Variants in AFG2A observed in about 807,000 individuals in gnomAD.
AFG2A encodes the protein ATPase family gene 2 protein homolog A.
At chr4:122,952,194 C>T in the AFG2A span, among the ~76,000 whole-genome samples, 5 of 152,194 alleles carry the variant, frequency 3.3e-5, no homozygotes, top group South Asian at 4.1e-4. Flanking sequence ...ACCCTTTTTC[C>T]GTAGCTGGGA....
At chr4:123,273,496 A>T in the AFG2A span, among the ~76,000 whole-genome samples, 1 of 152,180 alleles carries the variant, frequency 6.6e-6, no homozygotes, top group African/African-American at 2.4e-5. Context: ...ATACATATGG[A>T]TGATCACATA....
the AFG2A span, among the ~76,000 whole-genome samples, chr4:123,171,446 A>G: frequency 6.6e-6 from 1 of 152,314 alleles, no homozygotes; most frequent in South Asian, 2.1e-4. Context: ...GCAGAAGGAT[A>G]AGTACTAAAA....
At chr4:123,262,912 G>T in the AFG2A span, among the ~76,000 whole-genome samples, 20 of 152,238 alleles carry the variant, frequency 1.3e-4, no homozygotes, top group African/African-American at 4.3e-4. Context: ...ATACCCAGAA[G>T]AATTTTTTTC....
the AFG2A span, among the ~76,000 whole-genome samples, chr4:122,953,603 T>C: frequency 1.0e-3 from 152 of 152,258 alleles, no homozygotes; most frequent in Non-Finnish European, 1.7e-3. Flanking sequence ...GCAGGAAGGG[T>C]GGCGGGCTGA....
the AFG2A span, among the ~76,000 whole-genome samples, chr4:123,074,343 T>C: frequency 2.6e-5 from 4 of 151,826 alleles, no homozygotes; most frequent in Non-Finnish European, 5.9e-5. Flanking sequence ...GATCCATCCA[T>C]CTTGGCCTTC....
chr4:123,186,318 A>G, the AFG2A span, among the ~76,000 whole-genome samples: 1 of 152,254 alleles, frequency 6.6e-6, no homozygotes, highest in African/African-American at 2.4e-5. Context: ...TGACTACAGA[A>G]TAATTAGAAT....
chr4:123,124,734 C>G, the AFG2A span, among the ~76,000 whole-genome samples: 3 of 152,076 alleles, frequency 2.0e-5, no homozygotes, highest in Admixed American at 2.0e-4. Context: ...GAGGAAATTT[C>G]TTTATTATGA....
At chr4:123,296,359 GAGAA>G in the AFG2A span, among the ~76,000 whole-genome samples, 1 of 152,184 alleles carries the variant, frequency 6.6e-6, no homozygotes, top group Non-Finnish European at 1.5e-5. Flanking sequence ...TAAGGGAAAA[GAGAA>G]AGAGAAATCC....
chr4:123,132,414 C>T, the AFG2A span, among the ~76,000 whole-genome samples: 1 of 151,746 alleles, frequency 6.6e-6, no homozygotes, highest in East Asian at 1.9e-4. Context: ...TTTCACTTAG[C>T]GTGATGTTTT....
the AFG2A span, among the ~76,000 whole-genome samples, chr4:122,965,581 A>T: frequency 6.6e-6 from 1 of 152,324 alleles, no homozygotes; most frequent in East Asian, 1.9e-4. Context: ...AAAGAAGATG[A>T]TACATTTTTT....
chr4:123,007,604 GTGTGTA>G, the AFG2A span, among the ~76,000 whole-genome samples: 15 of 12,508 alleles, frequency 1.2e-3, no homozygotes, highest in South Asian at 4.5e-3. Context: ...GTGTGTGTGT[GTGTGTA>G]TATATATATA....
chr4:123,270,393 A>G, the AFG2A span, among the ~76,000 whole-genome samples: 1 of 152,188 alleles, frequency 6.6e-6, no homozygotes, highest in African/African-American at 2.4e-5. Context: ...GGCCTTTACT[A>G]CATGTATACC....
chr4:123,237,134 GTTATTCC>G, the AFG2A span, among the ~76,000 whole-genome samples: 1 of 152,260 alleles, frequency 6.6e-6, no homozygotes, highest in South Asian at 2.1e-4. Context: ...GGCTACATCT[GTTATTCC>G]TTGTAGCTAC....
chr4:123,085,822 T>C, the AFG2A span, among the ~76,000 whole-genome samples: 1 of 152,128 alleles, frequency 6.6e-6, no homozygotes, highest in South Asian at 2.1e-4. Flanking sequence ...TTTATGTTAT[T>C]TTATTTTATC....
At chr4:123,128,523 A>G in the AFG2A span, among the ~76,000 whole-genome samples, 1 of 152,182 alleles carries the variant, frequency 6.6e-6, no homozygotes. Flanking sequence ...GATTGTTGTT[A>G]GAACACAAAT....
the AFG2A span, among the ~76,000 whole-genome samples, chr4:123,032,482 TC>T: frequency 6.6e-6 from 1 of 152,022 alleles, no homozygotes; most frequent in African/African-American, 2.4e-5. Flanking sequence ...AACCTCTGCC[TC>T]CCGGGTTCAA....
chr4:123,289,187 A>C, the AFG2A span, among the ~76,000 whole-genome samples: 1 of 152,040 alleles, frequency 6.6e-6, no homozygotes, highest in Non-Finnish European at 1.5e-5. Context: ...CCCGTTCTGA[A>C]TCTCCAGTGT....
the AFG2A span, among the ~76,000 whole-genome samples, chr4:122,931,758 T>C: frequency 1.4e-4 from 22 of 152,292 alleles, no homozygotes; most frequent in Middle Eastern, 6.8e-3. Flanking sequence ...CATCTCTGAA[T>C]GAAAGCTGAA....
chr4:123,287,306 TG>T, the AFG2A span, among the ~76,000 whole-genome samples: 5 of 152,208 alleles, frequency 3.3e-5, no homozygotes, highest in Non-Finnish European at 5.9e-5. Context: ...TGTGGAAGGC[TG>T]GCCAAGAGCA....
Sources: gnomAD v4.1 joint callset for allele counts (sites outside exome capture counted in the v4.1 genomes callset) on GRCh38, gnomAD v4.1.1 for gene constraint, MANE v1.5 for transcripts, NCBI Gene and HGNC (gene_info 2026-07-23, HGNC 2026-07-21) for gene names.